Variants in KDM3A observed in about 807,000 individuals in gnomAD.
KDM3A encodes the protein lysine demethylase 3A.
In KDM3A, 60 loss-of-function variants were observed where a neutral mutation model predicts 158.0. The observed-to-expected ratio is 0.38, with a 90% CI of 0.31 to 0.47. The LOEUF is 0.47. Ranked by LOEUF, KDM3A falls within the 20% of genes least tolerant of loss-of-function variation. The probability of loss-of-function intolerance (pLI) is 0.99; values close to 1 mark genes in which losing one functional copy is unlikely to be tolerated. For synonymous variants in KDM3A, 608 were observed against 549.3 expected (o/e 1.11, Z -1.49); for missense variants, 1,319 against 1,574.3 (o/e 0.84, Z 2.74).
At chr2:86,458,216 A>C (rs1384196101) in intron 8 of KDM3A, among the ~76,000 whole-genome samples, 1 of 152,198 alleles carries the variant, frequency 6.6e-6, no homozygotes, top group African/African-American at 2.4e-5. Context: ...TGTGCCACAC[A>C]AACACTTGAG....
At chr2:86,460,022 A>G (rs1672861538) in intron 8 of KDM3A, among the ~76,000 whole-genome samples, 1 of 152,196 alleles carries the variant, frequency 6.6e-6, no homozygotes, top group Non-Finnish European at 1.5e-5. Context: ...AGTTCTTGAA[A>G]ATATTTTTTT....
At chr2:86,485,092 T>C in intron 20 of KDM3A, 63 bp downstream of exon 20, 1 of 930,846 alleles carries the variant, frequency 1.1e-6, no homozygotes, top group Non-Finnish European at 1.7e-6. Flanking sequence ...AATTCTTTTT[T>C]GAGGTAGTGA....
intron 23 of KDM3A, 135 bp from the exon 24 acceptor site, chr2:86,490,746 G>A (rs17027270): frequency 1.7e-5 from 10 of 600,780 alleles, no homozygotes; most frequent in Admixed American, 6.3e-5. Context: ...ACTACTAGTC[G>A]TCTTCTGCCA....
chr2:86,465,215 A>C (rs1488471304), intron 9 of KDM3A, among the ~76,000 whole-genome samples: 1 of 152,180 alleles, frequency 6.6e-6, no homozygotes, highest in Non-Finnish European at 1.5e-5. Flanking sequence ...CCCTAGTAAG[A>C]TGTACAGGGA....
At chr2:86,465,221 A>G (rs1214282241) in intron 9 of KDM3A, among the ~76,000 whole-genome samples, 2 of 152,206 alleles carry the variant, frequency 1.3e-5, no homozygotes, top group African/African-American at 2.4e-5. Context: ...TAAGATGTAC[A>G]GGGAAAATAC....
intron 23 of KDM3A, chr2:86,490,284 T>G (rs1290828382): frequency 2.0e-5 from 3 of 152,660 alleles, no homozygotes; most frequent in Non-Finnish European, 4.4e-5. Context: ...TATTCTTCAG[T>G]CATTCATGAG....
chr2:86,442,051 G>T lies in KDM3A; in HGVS notation c.4G>T (p.Val2Leu). Residue 2 changes from valine to leucine, a missense_variant, in exon 2 of 26, where the codon GTG becomes TTG. Physicochemically the swap from Val to Leu is conservative, Grantham distance 32. This residue lies in a region of KDM3A where 652 missense variants were observed against 627.2 expected (regional missense o/e 1.04). Coordinates refer to ENST00000312912, the MANE Select transcript of KDM3A (RefSeq NM_018433.6). M[V>L]LTLGESWPVL... Reference sequence around the variant, plus strand: ...TCTTCCTGCAGGCGTGGAAACCATGGTGCTCACGCTCGGAGAAAGTTGGCC... The same window carrying T: ...TCTTCCTGCAGGCGTGGAAACCATGTTGCTCACGCTCGGAGAAAGTTGGCC... 6.2e-7 allele frequency: 1 copy of T among 1,613,998 alleles called. No individual in the cohort carries two copies. The highest frequency in any genetic ancestry group is 8.5e-7 in the Non-Finnish European group (1 of 1,179,970).
At chr2:86,458,871 G>A (rs1466314622) in intron 8 of KDM3A, among the ~76,000 whole-genome samples, 2 of 152,112 alleles carry the variant, frequency 1.3e-5, no homozygotes, top group Non-Finnish European at 2.9e-5. Context: ...GTAGATGATG[G>A]ATGAGGGAAG....
chr2:86,456,492 T>C lies in KDM3A; in HGVS notation c.607T>C (p.Ser203Pro). ...SEVKIYSLDPSTQWFSATVIN... is the reference protein window; with the variant it reads ...SEVKIYSLDPPTQWFSATVIN... ...AGTAAAAATTTATAGCTTGGACCCA[T>C]CTACTCAGTGGTTTTCAGCAACCGT... Residue 203 changes from serine to proline, a missense_variant, in exon 6 of 26, where the codon TCT becomes CCT. Ser to Pro is a moderately conservative substitution (Grantham distance 74, BLOSUM62 -1). Coordinates refer to ENST00000312912, the MANE Select transcript of KDM3A (RefSeq NM_018433.6). 1 of 1,596,908 alleles carries C rather than the reference T, an allele frequency of 6.3e-7. No individual in the cohort carries two copies. Among genetic ancestry groups the C allele is most frequent in the Non-Finnish European group, 8.5e-7 (1 of 1,169,834 alleles).
chr2:86,464,720 C>T (rs116521320), intron 9 of KDM3A, among the ~76,000 whole-genome samples: 2,364 of 152,224 alleles, frequency 0.016, 37 homozygotes, highest in Non-Finnish European at 0.023. Flanking sequence ...AAAATGAGTA[C>T]GAAATGTAAA....
intron 11 of KDM3A, among the ~76,000 whole-genome samples, chr2:86,470,800 T>C (rs1000820288): frequency 3.3e-5 from 5 of 152,236 alleles, no homozygotes; most frequent in African/African-American, 1.2e-4. Flanking sequence ...TACTTTCCCA[T>C]TACATAGTAG....
chr2:86,444,296 A>C (rs1450382290), intron 2 of KDM3A, among the ~76,000 whole-genome samples: 1 of 152,210 alleles, frequency 6.6e-6, no homozygotes, highest in Non-Finnish European at 1.5e-5. Flanking sequence ...ACCTGAAGAC[A>C]ACTGGGAATT....
At chr2:86,471,620 A>G (rs2104676521) in intron 11 of KDM3A, among the ~76,000 whole-genome samples, 1 of 152,276 alleles carries the variant, frequency 6.6e-6, no homozygotes, top group East Asian at 1.9e-4. Context: ...ATTTTATCTA[A>G]GTTAAAAGAT....
In KDM3A at chr2:86,470,341, A is replaced by G. The variant is rs372242978; in HGVS notation, c.1657A>G (p.Ser553Gly). 57 of 1,614,000 alleles carry G rather than the reference A, an allele frequency of 3.5e-5. No homozygotes were observed. Among genetic ancestry groups the G allele is most frequent in the Non-Finnish European group, 4.7e-5 (55 of 1,179,996 alleles). ...TAAATGCCGAGAGTGTCGCTTGGAC[A>G]GTCTCCGCAAGGATAAGGAGCAACA... ...LPKCRECRLD[S>G]LRKDKEQQKD... is the part of the protein sequence containing the mutation. Residue 553 changes from serine (S) to glycine (G), a missense_variant, in exon 11 of 26, where the codon AGT becomes GGT. By Grantham distance (56) the Ser-to-Gly change is moderately conservative (BLOSUM62 0). This residue lies in a region of KDM3A where 113 missense variants were observed against 190.5 expected (regional missense o/e 0.59). Transcript: ENST00000312912.
chr2:86,483,919 G>C (rs1041338377), intron 18 of KDM3A, 68 bp from the exon 19 acceptor site: 4 of 1,261,986 alleles, frequency 3.2e-6, no homozygotes, highest in Admixed American at 4.1e-5. Flanking sequence ...GTGTGAAGAG[G>C]GACTGCCTTC....
In KDM3A at chr2:86,491,850, G is replaced by T. The variant is rs565633868; in HGVS notation, c.3886-189G>T. ...GGGGAAAATGAGTTCTTGAAATCATGGGTTTAAAATGTATGTGAAATACTG... is the reference window on the plus strand; with the variant it reads ...GGGGAAAATGAGTTCTTGAAATCATTGGTTTAAAATGTATGTGAAATACTG... On this transcript the variant is annotated intron_variant, in intron 25 of 25. Transcript: ENST00000312912. 25 of 570,376 alleles carry T rather than the reference G, an allele frequency of 4.4e-5. No homozygotes were observed. The South Asian group carries it at 5.2e-4, about 12-fold the overall frequency. The allele number at this position is 570,376 out of a possible 1,614,324, so 35.3% of individuals were successfully genotyped here. A position where few individuals can be genotyped will look rare whatever the true frequency, so the allele number is the denominator to read the frequency against.
At chr2:86,485,458 T>C (rs1414329015) in intron 20 of KDM3A, among the ~76,000 whole-genome samples, 1 of 152,256 alleles carries the variant, frequency 6.6e-6, no homozygotes, top group African/African-American at 2.4e-5. Flanking sequence ...ATCAATGATA[T>C]ATCTCTAAGA....
At chr2:86,447,943 C>T (rs1683021755) in intron 2 of KDM3A, among the ~76,000 whole-genome samples, 1 of 152,022 alleles carries the variant, frequency 6.6e-6, no homozygotes, top group Admixed American at 6.5e-5. Context: ...AAAGACTAGC[C>T]AATTTAGGGG....
Position 86,442,062 on chromosome 2 carries a change from C to G in KDM3A, c.15C>G (p.Leu5=), listed in dbSNP as rs778556993. The G allele has an allele frequency of 5.6e-6, 9 of 1,613,870 alleles. No individual in the cohort carries two copies. In the South Asian group the frequency reaches 9.9e-5, roughly 18 times the overall value. The change falls in exon 2 of 26, where the codon CTC becomes CTG. Residue 5 remains leucine (L), a synonymous_variant. Coordinates refer to ENST00000312912, the MANE Select transcript of KDM3A (RefSeq NM_018433.6). MVLT[L]GESWPVLVGR... is the part of the protein sequence containing the mutation. ...GCGTGGAAACCATGGTGCTCACGCT[C>G]GGAGAAAGTTGGCCGGTATTGGTGG... is the stretch of plus-strand genomic sequence containing the variant.
Sources: allele counts gnomAD v4.1 joint callset (sites outside exome capture counted in the v4.1 genomes callset), GRCh38; gene constraint gnomAD v4.1.1; regional missense constraint gnomAD v4.1.1; transcripts MANE v1.5; gene names NCBI Gene and HGNC (gene_info 2026-07-23, HGNC 2026-07-21).